Variants in SAMD5 observed in about 807,000 individuals in gnomAD.
The protein encoded by SAMD5 is sterile alpha motif domain containing 5.
A neutral mutation model predicts 11.3 loss-of-function variants in SAMD5; 13 were observed. The ratio of observed to expected loss-of-function variants is 1.15; its 90% confidence interval spans 0.75 to 1.83. The LOEUF (loss-of-function observed/expected upper bound fraction) is 1.83, where lower values mean the gene tolerates loss of function less well. Among genes scored for constraint, SAMD5 ranks in the 40% most tolerant of loss-of-function variants. The pLI, the probability that SAMD5 is intolerant of heterozygous loss-of-function variation, is 0.00. For synonymous variants in SAMD5, 129 were observed against 111.3 expected, an observed-to-expected ratio of 1.16 and a Z score of -1.00; for missense variants, 255 against 239.1, an observed-to-expected ratio of 1.07 and a Z score of -0.44.
At chr6:147,879,440 G>C in the SAMD5 span, among the ~76,000 whole-genome samples, 126,570 of 152,174 alleles carry the variant, frequency 0.83, 52,957 homozygotes, top group African/African-American at 0.91. Context: ...TCAGACCTCA[G>C]CTTTCTGGAC....
In SAMD5 at chr6:147,567,315, G is replaced by C; in HGVS notation, c.*2859G>C. 2.0e-6 allele frequency: 2 copies of C among 985,340 alleles called. No individual in the cohort carries two copies. Among genetic ancestry groups the C allele is most frequent in the Non-Finnish European group, 2.4e-6 (2 of 829,832 alleles). 61.0% of individuals were successfully genotyped at this position (985,340 alleles called of 1,614,324 possible). A position where few individuals can be genotyped will look rare whatever the true frequency, so the allele number is the denominator to read the frequency against. On this transcript the variant is annotated 3_prime_UTR_variant, in exon 2 of 2. Transcript: ENST00000367474. ...CATACGAGCAATTTCTCAGTTCAGA[G>C]ATATTTATAGCATCTTGGTGTTATG...
At chr6:147,914,255 G>A in the SAMD5 span, among the ~76,000 whole-genome samples, 1 of 151,082 alleles carries the variant, frequency 6.6e-6, no homozygotes, top group Non-Finnish European at 1.5e-5. Flanking sequence ...GTGGCCCAGG[G>A]AAGCCAAAAG....
At chr6:147,910,387 C>T in the SAMD5 span, among the ~76,000 whole-genome samples, 1 of 152,140 alleles carries the variant, frequency 6.6e-6, no homozygotes, top group Non-Finnish European at 1.5e-5. Context: ...AGGGAATGAG[C>T]AAGAGAGAAC....
At chr6:147,547,067 C>G (rs1385440535) in intron 1 of SAMD5, among the ~76,000 whole-genome samples, 1 of 152,194 alleles carries the variant, frequency 6.6e-6, no homozygotes, top group African/African-American at 2.4e-5. Flanking sequence ...TCCCTCTTTC[C>G]CCTGTTGAAT....
chr6:147,654,447 G>T (rs1167950062), intron 1 of SAMD5, among the ~76,000 whole-genome samples: 1 of 152,098 alleles, frequency 6.6e-6, no homozygotes, highest in Non-Finnish European at 1.5e-5. Flanking sequence ...AGAATGAAAG[G>T]AGCCCCTGAA....
intron 1 of SAMD5, among the ~76,000 whole-genome samples, chr6:147,716,811 A>T (rs1005376593): frequency 2.0e-5 from 3 of 152,222 alleles, no homozygotes; most frequent in African/African-American, 7.2e-5. Flanking sequence ...AAGGAGGAAG[A>T]AAGAGAAAGT....
At chr6:147,657,434 A>C (rs991092158) in intron 1 of SAMD5, among the ~76,000 whole-genome samples, 4 of 152,172 alleles carry the variant, frequency 2.6e-5, no homozygotes, top group African/African-American at 9.7e-5. Context: ...CCTACTTTCT[A>C]ATACTCCAGG....
intron 1 of SAMD5, among the ~76,000 whole-genome samples, chr6:147,698,585 G>T (rs975103624): frequency 6.6e-6 from 1 of 152,132 alleles, no homozygotes. Flanking sequence ...CTATAGAGTA[G>T]TCATTTCATT....
Position 147,567,421 on chromosome 6 carries a change from A to G in SAMD5, c.*2965A>G, listed in dbSNP as rs1270751325. 1 of 984,414 alleles carries G rather than the reference A, an allele frequency of 1.0e-6. No homozygotes were observed. The highest frequency in any genetic ancestry group is 1.7e-5 in the African/African-American group (1 of 57,232). The allele number at this position is 984,414 out of a possible 1,614,324, so 61.0% of individuals were successfully genotyped here. The stretch of plus-strand genomic sequence containing the variant: ...TGAGTTTAAATTCTAAAATTATTCT[A>G]GTAGTATTTTCCTGCGGTGAATCTG... On this transcript the variant is annotated 3_prime_UTR_variant, in exon 2 of 2. Coordinates refer to ENST00000367474, the MANE Select transcript of SAMD5 (RefSeq NM_001030060.3).
the SAMD5 span, among the ~76,000 whole-genome samples, chr6:147,813,911 C>T: frequency 9.2e-5 from 14 of 152,238 alleles, no homozygotes; most frequent in East Asian, 1.9e-4. Flanking sequence ...CTTTGTAAGA[C>T]GATTTTGTTA....
At chr6:147,596,993 C>T (rs1300529050) in intron 1 of SAMD5, among the ~76,000 whole-genome samples, 1 of 152,066 alleles carries the variant, frequency 6.6e-6, no homozygotes, top group Non-Finnish European at 1.5e-5. Context: ...TTCTCTTGTG[C>T]CTTAAGTCCT....
chr6:147,685,707 TTC>T (rs1174374044), intron 1 of SAMD5, among the ~76,000 whole-genome samples: 1 of 152,222 alleles, frequency 6.6e-6, no homozygotes, highest in Non-Finnish European at 1.5e-5. Context: ...TATTGCTTTT[TTC>T]TCTCTTCTTT....
At chr6:147,585,811 T>C (rs1436829330) in intron 1 of SAMD5, among the ~76,000 whole-genome samples, 4 of 152,184 alleles carry the variant, frequency 2.6e-5, no homozygotes, top group Admixed American at 6.5e-5. Context: ...TCGTGCCATT[T>C]CACTTTTGAG....
At chr6:147,546,536 A>AAAAAAAAAAG (rs1234969726) in intron 1 of SAMD5, among the ~76,000 whole-genome samples, 1 of 151,282 alleles carries the variant, frequency 6.6e-6, no homozygotes, top group Non-Finnish European at 1.5e-5. Context: ...GTCTCAAAAA[A>AAAAAAAAAAG]AAAAAAATAG....
intron 1 of SAMD5, among the ~76,000 whole-genome samples, chr6:147,678,978 G>A (rs1279161018): frequency 6.6e-6 from 1 of 152,108 alleles, no homozygotes; most frequent in African/African-American, 2.4e-5. Flanking sequence ...TTATGGCTGA[G>A]TGATGTTCAG....
At chr6:147,636,374 C>T (rs1043519756) in intron 1 of SAMD5, among the ~76,000 whole-genome samples, 2 of 151,996 alleles carry the variant, frequency 1.3e-5, no homozygotes, top group African/African-American at 4.8e-5. Context: ...GAGATTATAT[C>T]CTCATCAAAA....
chr6:147,929,027 T>C, the SAMD5 span, among the ~76,000 whole-genome samples: 2 of 152,078 alleles, frequency 1.3e-5, no homozygotes, highest in African/African-American at 4.8e-5. Context: ...AGAGTACATT[T>C]GTGGTGATTT....
At chr6:147,632,076 A>T (rs2128451397) in intron 1 of SAMD5, among the ~76,000 whole-genome samples, 1 of 152,216 alleles carries the variant, frequency 6.6e-6, no homozygotes, top group Middle Eastern at 3.4e-3. Flanking sequence ...GGTGGGAGTG[A>T]CCGATGAGAA....
At chr6:147,600,804 A>G (rs1789603641) in intron 1 of SAMD5, among the ~76,000 whole-genome samples, 1 of 152,210 alleles carries the variant, frequency 6.6e-6, no homozygotes, top group Admixed American at 6.5e-5. Flanking sequence ...GTGAGAACAA[A>G]TTATGGATTC....
Sources: allele counts gnomAD v4.1 joint callset (sites outside exome capture counted in the v4.1 genomes callset), GRCh38; gene constraint gnomAD v4.1.1; transcripts MANE v1.5; gene names NCBI Gene and HGNC (gene_info 2026-07-23, HGNC 2026-07-21).